The following TRPM2 variants were observed in gnomAD, a reference collection of about 807,000 sequenced individuals.
TRPM2 encodes estrogen-responsive element-associated gene 1 protein.
In TRPM2, 161 loss-of-function variants were observed where a neutral mutation model predicts 174.0. That is an observed-to-expected ratio of 0.93 (90% confidence interval 0.81 to 1.05). The LOEUF (loss-of-function observed/expected upper bound fraction) is 1.05, where lower values mean the gene tolerates loss of function less well. TRPM2 is among the 50% of genes least tolerant of loss of function. TRPM2 has a pLI of 0.00. For synonymous variants in TRPM2, 954 were observed against 861.3 expected, an observed-to-expected ratio of 1.11 and a Z score of -1.88; for missense variants, 2,057 against 2,038.0, an observed-to-expected ratio of 1.01 and a Z score of -0.18.
intron 5 of TRPM2, among the ~76,000 whole-genome samples, 175 bp downstream of exon 5, chr21:44,369,518 C>T (rs1329440219): frequency 4.2e-5 from 4 of 95,000 alleles, no homozygotes; most frequent in Non-Finnish European, 8.3e-5. Context: ...GACGTCTGAC[C>T]GGGTGCTGCG....
intron 16 of TRPM2, 93 bp downstream of exon 16, chr21:44,401,990 C>T: frequency 2.9e-6 from 4 of 1,398,972 alleles, no homozygotes; most frequent in Non-Finnish European, 4.0e-6. Flanking sequence ...CCCACCCCAT[C>T]TAGCCTGCCC....
At position 44,399,307 on chromosome 21, in the gene TRPM2, G is replaced by C. The variant is rs148508882; in HGVS notation, c.2074G>C (p.Glu692Gln). Residue 692 changes from glutamate (E) to glutamine (Q), a missense_variant, in exon 14 of 32, where the codon GAG (glutamate) becomes CAG (glutamine). By Grantham distance (29) the Glu-to-Gln change is conservative (BLOSUM62 2). Transcript: ENST00000397928. The surrounding 1 kb of genome is among the most constrained non-coding windows in gnomAD (Gnocchi z 4.6). ...ATATCTCCGCCCAGGGGTCTTCACC[G>C]AGTGCTACCGGAAGGACGAAGAGAG... ...YEHRAIGVFT[E>Q]CYRKDEERAQ... The C allele has an allele frequency of 6.2e-7, 1 of 1,612,328 alleles. No homozygotes were observed. The highest frequency in any genetic ancestry group is 1.3e-5 in the African/African-American group (1 of 74,900).
At chr21:44,360,093 C>G (rs1172584831) in intron 2 of TRPM2, among the ~76,000 whole-genome samples, 1 of 152,118 alleles carries the variant, frequency 6.6e-6, no homozygotes, top group Non-Finnish European at 1.5e-5. Flanking sequence ...AAATTGGAAT[C>G]TAAAAATATG....
upstream of TRPM2, among the ~76,000 whole-genome samples, chr21:44,352,087 T>C (rs2047934915): frequency 6.6e-6 from 1 of 152,232 alleles, no homozygotes; most frequent in South Asian, 2.1e-4. Flanking sequence ...CACTGCGATC[T>C]CTCTAGAGCC....
chr21:44,365,678 C>T (rs939860186), intron 3 of TRPM2, among the ~76,000 whole-genome samples: 3 of 152,324 alleles, frequency 2.0e-5, no homozygotes, highest in South Asian at 4.1e-4. Flanking sequence ...CCCAACCCCC[C>T]GGCTTCTCCC....
intron 29 of TRPM2, among the ~76,000 whole-genome samples, chr21:44,437,930 C>T (rs924952019): frequency 3.3e-5 from 5 of 152,232 alleles, no homozygotes; most frequent in African/African-American, 9.7e-5. Flanking sequence ...CGCAGGGCCT[C>T]TCCTCTGCAC....
rs9653783 is a variant in TRPM2, at chr21:44,405,308, T to C, written c.2657+48T>C. 17,212 of 1,606,148 alleles carry C rather than the reference T, an allele frequency of 0.011. 752 individuals are homozygous for C. In the African/African-American group the frequency reaches 0.12, roughly 11 times the overall value. On this transcript the variant is annotated intron_variant, in intron 17 of 31. Coordinates refer to ENST00000397928, the MANE Select transcript of TRPM2 (RefSeq NM_003307.4). ...CGGGCCCGTCTGAGGCAGCCAGCCC[T>C]GCAGGGGATGAGCACAGGCCGGGCC... is the stretch of plus-strand genomic sequence containing the variant.
rs1462134559 is a variant in TRPM2 at position 44,400,369 on chromosome 21, C to T, written c.2319C>T (p.Phe773=). ...FPLLLTGLIS[F]REKRLQDVGT... ...TGCTCCTCACCGGCCTCATCTCCTT[C>T]AGGTGCTGCAGGGCTGCGGGGCTGC... Residue 773 remains phenylalanine (F), a splice_region_variant and synonymous_variant, in exon 15 of 32, where the codon TTC becomes TTT. Coordinates refer to ENST00000397928, the MANE Select transcript of TRPM2 (RefSeq NM_003307.4). The T allele has an allele frequency of 1.2e-6, 2 of 1,610,314 alleles. No homozygotes were observed. Among genetic ancestry groups the T allele is most frequent in the African/African-American group, 1.3e-5 (1 of 74,790 alleles).
chr21:44,397,891 G>A lies in TRPM2; in HGVS notation c.2062+15G>A, dbSNP rs201920050. The A allele has an allele frequency of 2.5e-6, 4 of 1,578,126 alleles. No homozygotes were observed. The highest frequency in any genetic ancestry group is 4.6e-5 in the East Asian group (2 of 43,900). On this transcript the variant is annotated intron_variant, in intron 13 of 31. Coordinates refer to ENST00000397928, the MANE Select transcript of TRPM2 (RefSeq NM_003307.4). ...CAGAGCCATCGGTGAGCTCTGCCGGGCACGGGCTGCAGGCCATGGCTCAGC... is the reference window on the plus strand; with the variant it reads ...CAGAGCCATCGGTGAGCTCTGCCGGACACGGGCTGCAGGCCATGGCTCAGC...
Position 44,369,290 on chromosome 21 carries a change from G to A in TRPM2, c.718G>A (p.Gly240Arg), listed in dbSNP as rs776353332. The part of the protein sequence containing the change: ...SYKEGELITI[G>R]VATWGTVHRR... The stretch of plus-strand genomic sequence containing the variant: ...CAAGGAAGGCGAGCTCATCACCATC[G>A]GAGTCGCCACCTGGGGCACTGTCCA... The change falls in exon 5 of 32, where the codon GGA becomes AGA. Residue 240 changes from glycine to arginine, a missense_variant. Gly to Arg is a moderately radical substitution (Grantham distance 125, BLOSUM62 -2). Transcript: ENST00000397928. The A allele has an allele frequency of 1.9e-6, 3 of 1,613,776 alleles. No homozygotes were observed. The highest frequency in any genetic ancestry group is 1.7e-5 in the Admixed American group (1 of 60,018).
chr21:44,381,958 A>C (rs1159011797), intron 8 of TRPM2, among the ~76,000 whole-genome samples: 1 of 44,248 alleles, frequency 2.3e-5, no homozygotes, highest in African/African-American at 5.4e-5. Flanking sequence ...AGATGGATAG[A>C]TAGATAGATA....
At chr21:44,427,780 G>A (rs1003985696) in intron 27 of TRPM2, among the ~76,000 whole-genome samples, 12 of 152,216 alleles carry the variant, frequency 7.9e-5, no homozygotes, top group Admixed American at 7.9e-4. Flanking sequence ...TCTGGAACAG[G>A]GTGTGGGCTC....
intron 16 of TRPM2, among the ~76,000 whole-genome samples, chr21:44,403,899 G>T (rs1006794946): frequency 1.3e-5 from 2 of 149,166 alleles, no homozygotes; most frequent in African/African-American, 5.0e-5. Flanking sequence ...TACATATACA[G>T]CACACACATG....
In TRPM2 at chr21:44,417,953, A is replaced by C. The variant is rs768084852; in HGVS notation, c.3173A>C (p.His1058Pro). 6 of 1,612,766 alleles carry C rather than the reference A, an allele frequency of 3.7e-6. No individual in the cohort carries two copies. The South Asian group carries it at 6.6e-5, about 18-fold the overall frequency. ...FNYTFQQVQE[H>P]TDQIWKFQRH... The stretch of plus-strand genomic sequence containing the variant: ...TACACCTTCCAGCAGGTGCAGGAGC[A>C]CACGGACCAGATTTGGAAGTTCCAG... Residue 1058 changes from histidine to proline, a missense_variant, in exon 21 of 32, where the codon CAC becomes CCC. Physicochemically the swap from His to Pro is moderately conservative, Grantham distance 77. Transcript: ENST00000397928.
At position 44,397,905 on chromosome 21, in the gene TRPM2, C is replaced by T. The variant is rs201556513; in HGVS notation, c.2062+29C>T. The stretch of plus-strand genomic sequence containing the variant: ...AGCTCTGCCGGGCACGGGCTGCAGG[C>T]CATGGCTCAGCCGTGCATGCCCTCA... On this transcript the variant is annotated intron_variant, in intron 13 of 31. Coordinates refer to ENST00000397928, the MANE Select transcript of TRPM2 (RefSeq NM_003307.4). 2,489 of 1,563,916 alleles carry T rather than the reference C, an allele frequency of 1.6e-3. 4 individuals carry two copies. Among genetic ancestry groups the T allele is most frequent in the Non-Finnish European group, 1.9e-3 (2,232 of 1,153,360 alleles).
intron 13 of TRPM2, among the ~76,000 whole-genome samples, chr21:44,398,341 C>A (rs2049500680): frequency 6.6e-6 from 1 of 152,032 alleles, no homozygotes; most frequent in South Asian, 2.1e-4. Context: ...GCTGGGATTA[C>A]AGCTGCCTGC....
intron 12 of TRPM2, among the ~76,000 whole-genome samples, chr21:44,396,960 G>T (rs1460061280): frequency 6.6e-6 from 1 of 151,036 alleles, no homozygotes; most frequent in Non-Finnish European, 1.5e-5. Flanking sequence ...GCTGTGGAGG[G>T]TTGTGGGCGT....
rs2048398033 is a variant in TRPM2 at position 44,367,604 on chromosome 21, G to A, written c.604+670G>A. Among the ~76,000 whole-genome samples the A allele has an allele frequency of 6.6e-6, 1 of 152,182 alleles. No individual in the cohort carries two copies. Among genetic ancestry groups the A allele is most frequent in the Admixed American group, 6.5e-5 (1 of 15,286 alleles). On this transcript the variant is annotated intron_variant, in intron 4 of 31. Transcript: ENST00000397928. This position sits in a 1 kb window ranked among gnomAD's most constrained non-coding sequence, Gnocchi z 4.6. ...TGGGGAGGGGGCCCCAAGTCCTCAA[G>A]GCTCCCTGGGCCTCCCTGGAGGGGA...
At position 44,390,162 on chromosome 21, in the gene TRPM2, C is replaced by T. The variant is rs373387953; in HGVS notation, c.1319-742C>T. On this transcript the variant is annotated intron_variant, in intron 9 of 31. Transcript: ENST00000397928. ...GCGGGATTACAGGTGTGAGCCACCT[C>T]GCCCAGCCAATTTAATCAATTTTTC... 3.7e-3 allele frequency among the ~76,000 whole-genome samples: 562 copies of T among 152,282 alleles called. 4 individuals are homozygous for T. The highest frequency in any genetic ancestry group is 0.02 in the Middle Eastern group (6 of 294).
Sources: allele counts gnomAD v4.1 joint callset (sites outside exome capture counted in the v4.1 genomes callset), GRCh38; gene constraint gnomAD v4.1.1; non-coding constraint Gnocchi (gnomAD v3.1); transcripts MANE v1.5; gene names NCBI Gene and HGNC (gene_info 2026-07-23, HGNC 2026-07-21).